Variants in STX2 observed in about 807,000 individuals in gnomAD.
The protein encoded by STX2 is syntaxin-2.
Under a neutral mutation model 40.6 loss-of-function variants are expected in STX2, and 27 were observed. That is an observed-to-expected ratio of 0.66 (90% confidence interval 0.49 to 0.92). STX2 has a LOEUF of 0.92. STX2 is among the 40% of genes least tolerant of loss of function. The pLI is 0.00. For missense variants in STX2, 328 were observed against 366.1 expected (o/e 0.90, Z 0.85); for synonymous variants, 123 against 119.1 (o/e 1.03, Z -0.22).
At chr12:130,795,531 G>T (rs7971684) in intron 10 of STX2, among the ~76,000 whole-genome samples, 3 of 152,032 alleles carry the variant, frequency 2.0e-5, no homozygotes, top group African/African-American at 7.3e-5. Flanking sequence ...CCAGGAATTC[G>T]AGACCAGCCT....
chr12:130,836,099 A>G (rs967060013), intron 1 of STX2, among the ~76,000 whole-genome samples: 95 of 151,638 alleles, frequency 6.3e-4, no homozygotes, highest in African/African-American at 2.1e-3. Context: ...TTGTGAGTAC[A>G]CATTCAACTA....
intron 8 of STX2, 72 bp from the exon 9 acceptor site, chr12:130,798,707 A>G (rs1951114535): frequency 8.3e-6 from 10 of 1,199,088 alleles, no homozygotes; most frequent in Non-Finnish European, 1.2e-5. Context: ...AGACAACCAT[A>G]GAACAAAGGT....
chr12:130,826,845 G>A (rs567215158), intron 2 of STX2, among the ~76,000 whole-genome samples: 6 of 103,284 alleles, frequency 5.8e-5, no homozygotes, highest in Admixed American at 1.1e-4. Context: ...TACTAAAAGT[G>A]CAAAAAAAAA....
chr12:130,793,070 C>T (rs1452058877), intron 10 of STX2, among the ~76,000 whole-genome samples: 2 of 152,118 alleles, frequency 1.3e-5, no homozygotes, highest in East Asian at 1.9e-4. Context: ...TCCAAATGTA[C>T]GAGTGCTTTT....
intron 9 of STX2, 112 bp from the exon 10 acceptor site, chr12:130,796,232 G>A (rs570103278): frequency 4.6e-5 from 63 of 1,362,820 alleles, no homozygotes; most frequent in South Asian, 4.6e-4. Flanking sequence ...GGTGGCTCAC[G>A]CCTGTAATCT....
intron 4 of STX2, among the ~76,000 whole-genome samples, chr12:130,810,265 G>A (rs1031541666): frequency 2.0e-5 from 3 of 152,152 alleles, no homozygotes; most frequent in Non-Finnish European, 4.4e-5. Context: ...ATGTAATATT[G>A]CCCTTATTAA....
At chr12:130,832,166 T>A (rs1161262692) in intron 1 of STX2, among the ~76,000 whole-genome samples, 1 of 119,824 alleles carries the variant, frequency 8.3e-6, no homozygotes, top group Non-Finnish European at 1.9e-5. Context: ...AATTTAATCA[T>A]TTTTTTTTTT....
intron 8 of STX2, among the ~76,000 whole-genome samples, chr12:130,799,707 G>A (rs1239147357): frequency 6.6e-6 from 1 of 151,966 alleles, no homozygotes; most frequent in African/African-American, 2.4e-5. Context: ...CCAGCTACTC[G>A]GGAGGCTGAG....
intron 6 of STX2, among the ~76,000 whole-genome samples, chr12:130,801,863 T>C (rs1951240929): frequency 6.6e-6 from 1 of 152,164 alleles, no homozygotes; most frequent in African/African-American, 2.4e-5. Context: ...ATCAATAAAG[T>C]CCACGTAATG....
chr12:130,818,782 A>G (rs1174856138), intron 3 of STX2, among the ~76,000 whole-genome samples: 1 of 152,170 alleles, frequency 6.6e-6, no homozygotes, highest in Non-Finnish European at 1.5e-5. Flanking sequence ...CGCAAGGACG[A>G]CCGCACCCGA....
chr12:130,832,550 C>T (rs1952604968), intron 1 of STX2, among the ~76,000 whole-genome samples: 1 of 152,152 alleles, frequency 6.6e-6, no homozygotes, highest in African/African-American at 2.4e-5. Flanking sequence ...GGACATGAGA[C>T]ACTGCCAGGC....
In STX2 at chr12:130,826,533, A is replaced by C. The variant is rs148991643; in HGVS notation, c.105+660T>G. Among the ~76,000 whole-genome samples, 933 of 152,304 alleles carry C rather than the reference A, an allele frequency of 6.1e-3. 2 individuals carry two copies. The highest frequency in any genetic ancestry group is 0.011 in the Admixed American group (170 of 15,302). On this transcript the variant is annotated intron_variant, in intron 2 of 10. Coordinates refer to ENST00000392373, the MANE Select transcript of STX2 (RefSeq NM_194356.4). Reference sequence around the variant, plus strand: ...GTGCACAGCTCCACCATCCACACCCAGTTCCCTCCCGGACTGCATTAGAAC... The same window carrying C: ...GTGCACAGCTCCACCATCCACACCCCGTTCCCTCCCGGACTGCATTAGAAC...
Position 130,839,213 on chromosome 12 carries a change from G to T in STX2, c.-114C>A. ...GCCCCGCGGTCCCGGCCCGGCGCCA[G>T]CAGCCCTCCCTGGAGCCGGCGCTGC... On this transcript the variant is annotated 5_prime_UTR_variant, in exon 1 of 11. It adds an upstream start codon to the 5' untranslated region. Transcript: ENST00000392373. 1.0e-6 allele frequency: 1 copy of T among 965,908 alleles called. No individual in the cohort carries two copies. Among genetic ancestry groups the T allele is most frequent in the Non-Finnish European group, 1.3e-6 (1 of 792,482 alleles). 59.8% of individuals were successfully genotyped at this position (965,908 alleles called of 1,614,324 possible).
chr12:130,814,487 G>T (rs1951782299), intron 3 of STX2, among the ~76,000 whole-genome samples: 1 of 152,072 alleles, frequency 6.6e-6, no homozygotes, highest in Non-Finnish European at 1.5e-5. Context: ...TGTAGTGACT[G>T]GCGTGGGAGG....
At chr12:130,796,921 G>A (rs527720939) in intron 9 of STX2, among the ~76,000 whole-genome samples, 1 of 152,270 alleles carries the variant, frequency 6.6e-6, no homozygotes, top group East Asian at 1.9e-4. Flanking sequence ...GGGCCACATG[G>A]CTCCGCGGGA....
chr12:130,817,481 A>G lies in STX2; in HGVS notation c.205+4208T>C, dbSNP rs1027282928. Among the ~76,000 whole-genome samples the G allele has an allele frequency of 5.3e-5, 8 of 152,344 alleles. No homozygotes were observed. In the Middle Eastern group the frequency reaches 0.01, roughly 194 times the overall value. On this transcript the variant is annotated intron_variant, in intron 3 of 10. Transcript: ENST00000392373. ...AGAAAGGATACACTGAAACGCTCTA[A>G]AGACATACAATTCCAGCCGCAAAGA...
At chr12:130,811,701 A>G (rs1593148159) in intron 4 of STX2, among the ~76,000 whole-genome samples, 1 of 151,932 alleles carries the variant, frequency 6.6e-6, no homozygotes, top group African/African-American at 2.4e-5. Context: ...CACTGCGCCC[A>G]GCTAATTTTT....
chr12:130,819,485 T>A (rs1952031032), intron 3 of STX2, among the ~76,000 whole-genome samples: 1 of 152,208 alleles, frequency 6.6e-6, no homozygotes, highest in Non-Finnish European at 1.5e-5. Flanking sequence ...GTTCACACTC[T>A]GTCACAAAAC....
chr12:130,833,075 T>TA (rs1403404009), intron 1 of STX2, among the ~76,000 whole-genome samples: 1 of 152,198 alleles, frequency 6.6e-6, no homozygotes, highest in Non-Finnish European at 1.5e-5. Context: ...AGCAAGGACT[T>TA]CTGTCTTTTC....
Sources: allele counts gnomAD v4.1 joint callset (sites outside exome capture counted in the v4.1 genomes callset), GRCh38; gene constraint gnomAD v4.1.1; transcripts MANE v1.5; gene names NCBI Gene and HGNC (gene_info 2026-07-23, HGNC 2026-07-21).